Variants in CUEDC1 observed in about 807,000 individuals in gnomAD.
The protein encoded by CUEDC1 is CUE domain-containing protein 1.
In CUEDC1, 30 loss-of-function variants were observed where a neutral mutation model predicts 43.7. The observed-to-expected ratio is 0.69, with a 90% CI of 0.51 to 0.93. The LOEUF (loss-of-function observed/expected upper bound fraction) is 0.93. Among genes scored for constraint, CUEDC1 ranks in the 40% least tolerant of loss-of-function variants. The pLI is 0.00. For missense variants in CUEDC1, 486 were observed against 549.0 expected (o/e 0.89, Z 1.15); for synonymous variants, 223 against 223.6 (o/e 1.00, Z 0.02).
intron 1 of CUEDC1, among the ~76,000 whole-genome samples, chr17:57,927,144 C>G (rs564969541): frequency 6.6e-6 from 1 of 152,182 alleles, no homozygotes; most frequent in Admixed American, 6.5e-5. Context: ...CCATTCTCAC[C>G]GAGCGGCTGG....
intron 4 of CUEDC1, 42 bp from the exon 5 acceptor site, chr17:57,872,897 G>T (rs778681051): frequency 3.2e-6 from 5 of 1,565,400 alleles, no homozygotes; most frequent in East Asian, 2.2e-5. Flanking sequence ...ACACACAAGG[G>T]TACATGTTGC....
chr17:57,931,010 C>T (rs530414216), intron 1 of CUEDC1, among the ~76,000 whole-genome samples: 18 of 152,192 alleles, frequency 1.2e-4, no homozygotes, highest in East Asian at 3.9e-4. Flanking sequence ...AGGAGCTGGC[C>T]GGGTGTGGTG....
At chr17:57,920,666 C>G (rs990753701) in intron 1 of CUEDC1, among the ~76,000 whole-genome samples, 22 of 131,762 alleles carry the variant, frequency 1.7e-4, no homozygotes, top group East Asian at 1.5e-3. Flanking sequence ...GAGTCTTGCT[C>G]TGTTGCCCAG....
intron 1 of CUEDC1, among the ~76,000 whole-genome samples, chr17:57,897,552 C>A (rs530707552): frequency 1.6e-3 from 249 of 151,480 alleles, no homozygotes; most frequent in Non-Finnish European, 2.8e-3. Flanking sequence ...CACCTGTAGT[C>A]CCAGCTACTC....
chr17:57,929,946 C>T (rs906115262), intron 1 of CUEDC1, among the ~76,000 whole-genome samples: 3 of 152,126 alleles, frequency 2.0e-5, no homozygotes, highest in Non-Finnish European at 4.4e-5. Context: ...GGATTACAGG[C>T]AGGCACCACC....
intron 7 of CUEDC1, 42 bp from the exon 8 acceptor site, chr17:57,868,285 G>A: frequency 6.4e-7 from 1 of 1,558,452 alleles, no homozygotes; most frequent in Non-Finnish European, 8.9e-7. Flanking sequence ...TCAGCAGCCA[G>A]CACACCAGAT....
At chr17:57,905,078 C>T (rs1158005420) in intron 1 of CUEDC1, among the ~76,000 whole-genome samples, 2 of 152,062 alleles carry the variant, frequency 1.3e-5, no homozygotes, top group Admixed American at 6.5e-5. Context: ...GGAGAAAGAC[C>T]GGCTGGTCCC....
At chr17:57,884,893 G>C (rs181107704) in intron 2 of CUEDC1, among the ~76,000 whole-genome samples, 5 of 152,350 alleles carry the variant, frequency 3.3e-5, no homozygotes, top group African/African-American at 1.2e-4. Flanking sequence ...AGTTCAGTAT[G>C]TTGGGGTGGG....
chr17:57,917,166 C>T (rs140868953), intron 1 of CUEDC1, among the ~76,000 whole-genome samples: 10 of 152,352 alleles, frequency 6.6e-5, no homozygotes, highest in Non-Finnish European at 1.2e-4. Context: ...CATCAGGGCA[C>T]ACAGGTGCTC....
chr17:57,874,985 C>T (rs915949234), intron 3 of CUEDC1, among the ~76,000 whole-genome samples: 1 of 152,144 alleles, frequency 6.6e-6, no homozygotes, highest in African/African-American at 2.4e-5. Context: ...TCCACCCTCT[C>T]CCTGCACAGA....
At chr17:57,891,568 A>G (rs1156330091) in intron 1 of CUEDC1, among the ~76,000 whole-genome samples, 1 of 152,042 alleles carries the variant, frequency 6.6e-6, no homozygotes, top group African/African-American at 2.4e-5. Context: ...CCAGAGCTTT[A>G]CCGTGGCCAA....
chr17:57,913,078 C>A (rs9897543), intron 1 of CUEDC1, among the ~76,000 whole-genome samples: 1 of 152,130 alleles, frequency 6.6e-6, no homozygotes, highest in African/African-American at 2.4e-5. Flanking sequence ...GTAATCCCAG[C>A]ACTTTGGGAG....
intron 6 of CUEDC1, among the ~76,000 whole-genome samples, chr17:57,870,869 A>AG (rs576401048): frequency 6.7e-4 from 102 of 152,172 alleles, no homozygotes; most frequent in African/African-American, 1.9e-3. Flanking sequence ...TGGTAGAGAT[A>AG]GGGGGGTCTC....
At chr17:57,896,487 G>GGGTGT (rs375270781) in intron 1 of CUEDC1, among the ~76,000 whole-genome samples, 4 of 130,282 alleles carry the variant, frequency 3.1e-5, no homozygotes, top group Non-Finnish European at 4.8e-5. Flanking sequence ...TGCATTATGG[G>GGGTGT]GTGTGTGTGT....
At chr17:57,909,169 C>T (rs2074559168) in intron 1 of CUEDC1, among the ~76,000 whole-genome samples, 1 of 151,914 alleles carries the variant, frequency 6.6e-6, no homozygotes, top group Admixed American at 6.6e-5. Context: ...GACGAAATCT[C>T]GTTCTGTCAT....
chr17:57,865,096 C>G (rs2073937972), intron 10 of CUEDC1, among the ~76,000 whole-genome samples: 1 of 151,574 alleles, frequency 6.6e-6, no homozygotes, highest in Non-Finnish European at 1.5e-5. Context: ...GAATGATGAG[C>G]AAGTTTCTGA....
chr17:57,863,552 T>C (rs2073911834), intron 10 of CUEDC1, among the ~76,000 whole-genome samples: 2 of 152,108 alleles, frequency 1.3e-5, no homozygotes, highest in Non-Finnish European at 2.9e-5. Flanking sequence ...GTGAAGCAGC[T>C]GTAGGGGAGG....
intron 1 of CUEDC1, among the ~76,000 whole-genome samples, chr17:57,939,992 T>C (rs976221406): frequency 2.6e-5 from 4 of 151,748 alleles, no homozygotes; most frequent in Non-Finnish European, 5.9e-5. Context: ...GAGTCTTCAA[T>C]TCCCCTATGG....
chr17:57,872,096 G>C (rs1188627877), intron 5 of CUEDC1, among the ~76,000 whole-genome samples: 1 of 152,200 alleles, frequency 6.6e-6, no homozygotes, highest in Non-Finnish European at 1.5e-5. Flanking sequence ...CACAGGGACA[G>C]AGCTCCACAG....
Sources: allele counts gnomAD v4.1 joint callset (sites outside exome capture counted in the v4.1 genomes callset), GRCh38; gene constraint gnomAD v4.1.1; transcripts MANE v1.5; gene names NCBI Gene and HGNC (gene_info 2026-07-23, HGNC 2026-07-21).